The following NUP188 variants were observed in gnomAD, a reference collection of about 807,000 sequenced individuals.
The protein encoded by NUP188 is nucleoporin NUP188.
Under a neutral mutation model 223.0 loss-of-function variants are expected in NUP188, and 97 were observed. The ratio of observed to expected loss-of-function variants is 0.43; its 90% CI spans 0.37 to 0.51. The LOEUF (loss-of-function observed/expected upper bound fraction) is 0.51. Ranked by LOEUF, NUP188 falls within the 20% of genes least tolerant of loss-of-function variation. The pLI, the probability that NUP188 is intolerant of heterozygous loss-of-function variation, is 0.00. For missense variants in NUP188, 1,947 were observed against 2,175.6 expected (o/e 0.89, Z 2.09); for synonymous variants, 869 against 828.0 (o/e 1.05, Z -0.85).
In NUP188 at chr9:129,006,309, G is replaced by T. The variant is rs765163090; in HGVS notation, c.5014G>T (p.Asp1672Tyr). 6.2e-7 allele frequency: 1 copy of T among 1,614,198 alleles called. No homozygotes were observed. Among genetic ancestry groups the T allele is most frequent in the Non-Finnish European group, 8.5e-7 (1 of 1,180,040 alleles). Reference sequence around the variant, plus strand: ...CTCTCAGGCGATGCGGTACCTTAGGGACCCGGCTGTGCACCCCCGGGACAA... The same window carrying T: ...CTCTCAGGCGATGCGGTACCTTAGGTACCCGGCTGTGCACCCCCGGGACAA... ...LISQAMRYLR[D>Y]PAVHPRDKQR... The change falls in exon 43 of 44, where the codon GAC becomes TAC. Residue 1672 changes from aspartate (D) to tyrosine (Y), a missense_variant. Coordinates refer to ENST00000372577, the MANE Select transcript of NUP188 (RefSeq NM_015354.3).
chr9:128,967,763 C>G (rs1842051312), intron 8 of NUP188, among the ~76,000 whole-genome samples: 2 of 151,346 alleles, frequency 1.3e-5, no homozygotes, highest in Admixed American at 1.3e-4. Flanking sequence ...GCACTCCAGC[C>G]TGGGGGATAA....
intron 2 of NUP188, among the ~76,000 whole-genome samples, chr9:128,951,020 A>T (rs989400753): frequency 1.3e-5 from 2 of 150,958 alleles, no homozygotes; most frequent in African/African-American, 2.4e-5. Context: ...TCAACCTAAG[A>T]AAGATTCTTG....
At chr9:128,958,326 A>G (rs939415404) in intron 6 of NUP188, among the ~76,000 whole-genome samples, 7 of 152,120 alleles carry the variant, frequency 4.6e-5, no homozygotes, top group Admixed American at 6.6e-5. Flanking sequence ...ATTAATTTGT[A>G]TTTCTTTATT....
rs754103996 is a variant in NUP188 at position 128,970,912 on chromosome 9, A to G, written c.1067A>G (p.Gln356Arg). The change falls in exon 11 of 44, where the codon CAG becomes CGG. Residue 356 changes from glutamine to arginine, a missense_variant. By Grantham distance (43) the Gln-to-Arg change is conservative (BLOSUM62 1). This residue lies in a region of NUP188 where 817 missense variants were observed against 865.8 expected (regional missense o/e 0.94). Coordinates refer to ENST00000372577, the MANE Select transcript of NUP188 (RefSeq NM_015354.3). Reference sequence around the variant, plus strand: ...ACAGCCATCCAGCTGAATGTGTTTCAGTACTTGACCCGATTGCTCCAGTCC... The same window carrying G: ...ACAGCCATCCAGCTGAATGTGTTTCGGTACTTGACCCGATTGCTCCAGTCC... ...GGTAIQLNVF[Q>R]YLTRLLQSLA... is the part of the protein sequence containing the mutation. 5 of 1,614,154 alleles carry G rather than the reference A, an allele frequency of 3.1e-6. No individual in the cohort carries two copies. In the East Asian group the frequency reaches 8.9e-5, roughly 29 times the overall value.
chr9:128,998,567 T>C lies in NUP188; in HGVS notation c.3459T>C (p.Leu1153=). Residue 1153 remains leucine, a synonymous_variant, in exon 32 of 44, where the codon CTT becomes CTC. Transcript: ENST00000372577. ...LLLVPASVNC[L]RLGSMKCTLL... ...TAGTTCCAGCCTCAGTGAACTGCCT[T>C]CGCCTTGGCTCCATGAAGTGCACTC... 3 of 1,614,198 alleles carry C rather than the reference T, an allele frequency of 1.9e-6. No individual in the cohort carries two copies. The highest frequency in any genetic ancestry group is 2.5e-6 in the Non-Finnish European group (3 of 1,180,038).
chr9:128,993,669 A>G lies in NUP188; in HGVS notation c.2992A>G (p.Ser998Gly), dbSNP rs1588287527. The change falls in exon 27 of 44, where the codon AGT becomes GGT. Residue 998 changes from serine (S) to glycine (G), a missense_variant. Around this residue, in one of 3 missense-constraint regions of NUP188, gnomAD observed 905 missense variants for 990.6 expected, o/e 0.91. Transcript: ENST00000372577. Reference sequence around the variant, plus strand: ...TGCTCTGTGGCAGGATCGGAGGGACAGTGCCATGCTGGTCCTCCGAACCAA... The same window carrying G: ...TGCTCTGTGGCAGGATCGGAGGGACGGTGCCATGCTGGTCCTCCGAACCAA... ...LHALWQDRRDSAMLVLRTKPK... is the reference protein window; with the variant it reads ...LHALWQDRRDGAMLVLRTKPK... 1 of 1,614,228 alleles carries G rather than the reference A, an allele frequency of 6.2e-7. No homozygotes were observed. The highest frequency in any genetic ancestry group is 8.5e-7 in the Non-Finnish European group (1 of 1,180,034).
At chr9:129,005,979 G>C in intron 41 of NUP188, 71 bp from the exon 42 acceptor site, 1 of 1,541,396 alleles carries the variant, frequency 6.5e-7, no homozygotes, top group Non-Finnish European at 9.0e-7. Context: ...TGCAGGACAT[G>C]CAAGTAGGAA....
At chr9:128,956,651 G>A (rs1841875638) in intron 4 of NUP188, among the ~76,000 whole-genome samples, 1 of 152,132 alleles carries the variant, frequency 6.6e-6, no homozygotes, top group Non-Finnish European at 1.5e-5. Context: ...GACATGTGGT[G>A]GTCTTTAAGG....
chr9:128,973,446 G>A (rs1366821852), intron 12 of NUP188, among the ~76,000 whole-genome samples, 197 bp downstream of exon 12: 1 of 151,946 alleles, frequency 6.6e-6, no homozygotes, highest in East Asian at 1.9e-4. Context: ...GTGGTGGCAC[G>A]ATCTTGGCTC....
Position 128,949,193 on chromosome 9 carries a change from A to C in NUP188, c.37A>C (p.Ser13Arg). ...CTCTGTTCTCTCATTTTGCAGGAGCAGTAGAGAACTGTGGACTATTCTGCT... is the reference window on the plus strand; with the variant it reads ...CTCTGTTCTCTCATTTTGCAGGAGCCGTAGAGAACTGTGGACTATTCTGCT... The part of the protein sequence containing the change: ...AAAGGPCVRS[S>R]RELWTILLGR... The change falls in exon 2 of 44, where the codon AGT becomes CGT. Residue 13 changes from serine (S) to arginine (R), a missense_variant. Physicochemically the swap from Ser to Arg is moderately radical, Grantham distance 110. Coordinates refer to ENST00000372577, the MANE Select transcript of NUP188 (RefSeq NM_015354.3). 6.2e-7 allele frequency: 1 copy of C among 1,612,422 alleles called. No homozygotes were observed. The highest frequency in any genetic ancestry group is 8.5e-7 in the Non-Finnish European group (1 of 1,178,726).
intron 5 of NUP188, among the ~76,000 whole-genome samples, chr9:128,957,404 G>C (rs1841886369): frequency 1.3e-5 from 2 of 152,028 alleles, no homozygotes; most frequent in South Asian, 2.1e-4. Flanking sequence ...GGAGTGGAGA[G>C]GTCAAAGACT....
At chr9:128,994,813 G>A in intron 28 of NUP188, 43 bp from the exon 29 acceptor site, 1 of 1,502,670 alleles carries the variant, frequency 6.7e-7, no homozygotes, top group Non-Finnish European at 9.3e-7. Context: ...GGGGAGATCA[G>A]TGATCAGAGA....
chr9:129,001,477 C>T (rs1842664771), intron 34 of NUP188, 52 bp from the exon 35 acceptor site: 2 of 1,574,342 alleles, frequency 1.3e-6, no homozygotes, highest in Non-Finnish European at 1.7e-6. Context: ...CTGTCGTCCT[C>T]TTCCTCCTCC....
intron 25 of NUP188, 29 bp from the exon 26 acceptor site, chr9:128,993,168 C>A: frequency 1.3e-6 from 2 of 1,593,900 alleles, no homozygotes; most frequent in South Asian, 1.1e-5. Flanking sequence ...AAGCAGAGCT[C>A]TAAGCCTGTG....
chr9:128,983,298 C>A lies in NUP188; in HGVS notation c.1802C>A (p.Thr601Lys). The A allele has an allele frequency of 1.2e-6, 2 of 1,613,828 alleles. No individual in the cohort carries two copies. Among genetic ancestry groups the A allele is most frequent in the Non-Finnish European group, 1.7e-6 (2 of 1,179,768 alleles). The change falls in exon 18 of 44, where the codon ACG (threonine) becomes AAG (lysine). Residue 601 changes from threonine (T) to lysine (K), a missense_variant. This residue lies in a region of NUP188 where 817 missense variants were observed against 865.8 expected (regional missense o/e 0.94). Coordinates refer to ENST00000372577, the MANE Select transcript of NUP188 (RefSeq NM_015354.3). ...GTGTATTGTTCTCCAACCAGGTTAA[C>A]GACAGTGATCTCCCCACCTGTGGAT... ...SRIYMLLQRLTTVISPPVDVI... is the reference protein window; with the variant it reads ...SRIYMLLQRLKTVISPPVDVI...
intron 3 of NUP188, among the ~76,000 whole-genome samples, chr9:128,953,640 A>G (rs1335566188): frequency 6.6e-6 from 1 of 152,194 alleles, no homozygotes; most frequent in Non-Finnish European, 1.5e-5. Flanking sequence ...CAAATACTTG[A>G]CTATGTATCT....
At chr9:128,971,972 A>G (rs1363689084) in intron 11 of NUP188, among the ~76,000 whole-genome samples, 1 of 151,560 alleles carries the variant, frequency 6.6e-6, no homozygotes, top group Non-Finnish European at 1.5e-5. Context: ...GGGTTTCACC[A>G]TGTTGGCAAG....
At chr9:128,947,839 T>C in intron 1 of NUP188, 88 bp downstream of exon 1, 1 of 1,245,100 alleles carries the variant, frequency 8.0e-7, no homozygotes, top group Non-Finnish European at 1.0e-6. Flanking sequence ...AGGCGGGATG[T>C]GGCGACAGTG....
intron 3 of NUP188, among the ~76,000 whole-genome samples, chr9:128,953,181 A>G (rs1310621530): frequency 1.3e-5 from 2 of 152,232 alleles, no homozygotes; most frequent in South Asian, 2.1e-4. Flanking sequence ...GTGAAGGATG[A>G]TGCTAACAAC....
Sources: allele counts gnomAD v4.1 joint callset (sites outside exome capture counted in the v4.1 genomes callset), GRCh38; gene constraint gnomAD v4.1.1; regional missense constraint gnomAD v4.1.1; transcripts MANE v1.5; gene names NCBI Gene and HGNC (gene_info 2026-07-23, HGNC 2026-07-21).